Variants in DISC1 observed in about 807,000 individuals in gnomAD.
The protein encoded by DISC1 is DISC1 scaffold protein.
A neutral mutation model predicts 84.5 loss-of-function variants in DISC1; 57 were observed. That is an observed-to-expected ratio of 0.67 (90% CI 0.55 to 0.84). The LOEUF (loss-of-function observed/expected upper bound fraction) is 0.84, where lower values mean the gene tolerates loss of function less well. Among genes scored for constraint, DISC1 ranks in the 40% least tolerant of loss-of-function variants. The pLI is 0.00. For synonymous variants in DISC1, 411 were observed against 415.2 expected (o/e 0.99, Z 0.12); for missense variants, 1,000 against 1,057.8 (o/e 0.95, Z 0.76).
intron 10 of DISC1, among the ~76,000 whole-genome samples, chr1:231,981,833 G>T (rs1037425586): frequency 6.6e-6 from 1 of 152,148 alleles, no homozygotes; most frequent in African/African-American, 2.4e-5. Context: ...GGGTTATTGT[G>T]GTTTGACGGT....
intron 4 of DISC1, among the ~76,000 whole-genome samples, chr1:231,761,883 C>A (rs1538976): frequency 6.6e-6 from 1 of 152,026 alleles, no homozygotes; most frequent in African/African-American, 2.4e-5. Flanking sequence ...GGGCCCTCAC[C>A]ATGAGATGAG....
chr1:231,721,000 C>T (rs912065418), intron 3 of DISC1: 16 of 1,290,782 alleles, frequency 1.2e-5, no homozygotes, highest in African/African-American at 7.6e-5. Context: ...ACTGTGGATA[C>T]GGATCATGAA....
At chr1:231,693,345 G>A (rs931067586) in intron 1 of DISC1, among the ~76,000 whole-genome samples, 1 of 152,244 alleles carries the variant, frequency 6.6e-6, no homozygotes, top group African/African-American at 2.4e-5. Context: ...GTCTTGCAGG[G>A]ACATGGATAG....
chr1:231,846,399 C>G (rs562012101), intron 9 of DISC1, among the ~76,000 whole-genome samples: 3 of 152,352 alleles, frequency 2.0e-5, no homozygotes, highest in Non-Finnish European at 4.4e-5. Flanking sequence ...GGACCCTGGC[C>G]TTCCTAAGTG....
At chr1:231,641,977 G>A (rs1186659120) in intron 1 of DISC1, among the ~76,000 whole-genome samples, 1 of 152,362 alleles carries the variant, frequency 6.6e-6, no homozygotes, top group East Asian at 1.9e-4. Flanking sequence ...GTGGTCGATG[G>A]GACTGGGCGC....
intron 9 of DISC1, among the ~76,000 whole-genome samples, chr1:231,873,538 G>T (rs2085622994): frequency 6.6e-6 from 1 of 152,162 alleles, no homozygotes; most frequent in African/African-American, 2.4e-5. Flanking sequence ...AAAATCTGGT[G>T]GTGCACTCAC....
intron 8 of DISC1, among the ~76,000 whole-genome samples, chr1:231,809,270 C>T (rs966336479): frequency 6.6e-6 from 1 of 152,138 alleles, no homozygotes; most frequent in African/African-American, 2.4e-5. Flanking sequence ...TTATAGGAAC[C>T]AGTTGGCAGC....
intron 9 of DISC1, among the ~76,000 whole-genome samples, chr1:231,936,854 A>T (rs2126120800): frequency 6.6e-6 from 1 of 152,314 alleles, no homozygotes; most frequent in South Asian, 2.1e-4. Context: ...CTTAAACCTT[A>T]ATGAGATTCC....
intron 6 of DISC1, among the ~76,000 whole-genome samples, chr1:231,780,237 T>TA (rs11451092): frequency 0.46 from 48,111 of 103,750 alleles, 9,531 homozygotes; most frequent in East Asian, 0.72. Flanking sequence ...TAAAGTATAA[T>TA]AAAAAAAAAA....
intron 10 of DISC1, among the ~76,000 whole-genome samples, chr1:231,997,035 G>C (rs559488361): frequency 6.6e-6 from 1 of 152,034 alleles, no homozygotes. Flanking sequence ...CAATAAGCAG[G>C]TATCTTAAAA....
At chr1:232,034,418 A>G (rs538920721) in intron 12 of DISC1, among the ~76,000 whole-genome samples, 4 of 152,346 alleles carry the variant, frequency 2.6e-5, no homozygotes, top group South Asian at 2.1e-4. Flanking sequence ...CTAGGGAGTT[A>G]TCTCCTCAAA....
At chr1:231,905,017 A>G (rs1169923149) in intron 9 of DISC1, among the ~76,000 whole-genome samples, 1 of 152,244 alleles carries the variant, frequency 6.6e-6, no homozygotes, top group East Asian at 1.9e-4. Flanking sequence ...GAATTTTTAC[A>G]TAGTTCCAAT....
intron 7 of DISC1, 119 bp from the exon 8 acceptor site, chr1:231,799,989 T>C: frequency 1.6e-6 from 1 of 632,878 alleles, no homozygotes; most frequent in South Asian, 1.5e-5. Flanking sequence ...GTCTTCCAAT[T>C]ACTTTTCATC....
intron 1 of DISC1, among the ~76,000 whole-genome samples, chr1:231,662,414 G>A (rs1049757096): frequency 3.3e-5 from 5 of 152,206 alleles, no homozygotes; most frequent in Non-Finnish European, 2.9e-5. Flanking sequence ...CCGAGGGAGA[G>A]GTCAGAGTTC....
Position 231,933,910 on chromosome 1 carries a change from C to T in DISC1, c.1982-24918C>T, listed in dbSNP as rs374861254. On this transcript the variant is annotated intron_variant, in intron 9 of 12. Coordinates refer to ENST00000439617, the MANE Select transcript of DISC1 (RefSeq NM_018662.3). Reference sequence around the variant, plus strand: ...CACCAAGAGCCTCCCTTGAGACCGGCACTACTTGGAAACATGACTGGCTAT... The same window carrying T: ...CACCAAGAGCCTCCCTTGAGACCGGTACTACTTGGAAACATGACTGGCTAT... 2.0e-5 allele frequency among the ~76,000 whole-genome samples: 3 copies of T among 152,214 alleles called. No homozygotes were observed. The South Asian group carries it at 6.2e-4, about 32-fold the overall frequency.
chr1:231,873,163 T>C (rs1352307398), intron 9 of DISC1, among the ~76,000 whole-genome samples: 1 of 152,216 alleles, frequency 6.6e-6, no homozygotes, highest in Non-Finnish European at 1.5e-5. Context: ...GAACTTCCGC[T>C]GTAAAGTGGC....
Position 231,694,362 on chromosome 1 carries a change from T to G in DISC1, c.604T>G (p.Ser202Ala), listed in dbSNP as rs773346712. 6.2e-7 allele frequency: 1 copy of G among 1,614,212 alleles called. No homozygotes were observed. Among genetic ancestry groups the G allele is most frequent in the South Asian group, 1.1e-5 (1 of 91,090 alleles). Reference protein sequence around the residue: ...GPEVPPTPPGSHSAFTSSFSF... With the variant: ...GPEVPPTPPGAHSAFTSSFSF... ...TGAGGTCCCCCCAACCCCTCCTGGC[T>G]CTCACAGTGCCTTTACCTCAAGCTT... Residue 202 changes from serine to alanine, a missense_variant, in exon 2 of 13, where the codon TCT becomes GCT. Ser to Ala is a moderately conservative substitution (Grantham distance 99, BLOSUM62 1). This residue lies in a region of DISC1 where 292 missense variants were observed against 280.2 expected (regional missense o/e 1.04). Coordinates refer to ENST00000439617, the MANE Select transcript of DISC1 (RefSeq NM_018662.3).
In DISC1 at chr1:231,760,075, G is replaced by A. The variant is rs11122329; in HGVS notation, c.1269-7065G>A. 8.4e-3 allele frequency among the ~76,000 whole-genome samples: 1,286 copies of A among 152,236 alleles called. 15 individuals carry two copies. The highest frequency in any genetic ancestry group is 0.028 in the African/African-American group (1,179 of 41,534). On this transcript the variant is annotated intron_variant, in intron 4 of 12. Coordinates refer to ENST00000439617, the MANE Select transcript of DISC1 (RefSeq NM_018662.3). ...TAAATATTCATGTGCCTCTCTTGCC[G>A]GGTGGTCATTTCTATGAGTGGGATA...
intron 9 of DISC1, chr1:231,866,775 G>T (rs2085093422): frequency 1.6e-6 from 2 of 1,212,572 alleles, no homozygotes; most frequent in South Asian, 5.8e-5. Flanking sequence ...CTTGACGAAA[G>T]GGTATAATTA....
Sources: gnomAD v4.1 joint callset for allele counts (sites outside exome capture counted in the v4.1 genomes callset) on GRCh38, gnomAD v4.1.1 for gene constraint, gnomAD v4.1.1 regional missense constraint, MANE v1.5 for transcripts, NCBI Gene and HGNC (gene_info 2026-07-23, HGNC 2026-07-21) for gene names.